The following THSD4 variants were observed in gnomAD, a reference collection of about 807,000 sequenced individuals.
THSD4 encodes the protein thrombospondin type 1 domain containing 4, also known as thrombospondin type-1 domain-containing protein 4.
In THSD4, 69 loss-of-function variants were observed where a neutral mutation model predicts 119.0. The observed-to-expected ratio is 0.58, with a 90% CI of 0.48 to 0.71. The LOEUF (loss-of-function observed/expected upper bound fraction) is 0.71. Among genes scored for constraint, THSD4 ranks in the 30% least tolerant of loss-of-function variants. The probability of loss-of-function intolerance (pLI) is 0.00; values close to 1 mark genes in which losing one functional copy is unlikely to be tolerated. For synonymous variants in THSD4, 524 were observed against 540.4 expected (o/e 0.97, Z 0.42); for missense variants, 1,393 against 1,391.1 (o/e 1.00, Z -0.02).
intron 6 of THSD4, among the ~76,000 whole-genome samples, chr15:71,394,214 G>T (rs546818319): frequency 6.6e-6 from 1 of 151,388 alleles, no homozygotes; most frequent in Admixed American, 6.6e-5. Flanking sequence ...GACACTTAAA[G>T]GTGGGCTTCC....
intron 7 of THSD4, among the ~76,000 whole-genome samples, chr15:71,640,428 G>A (rs1055076922): frequency 2.6e-5 from 4 of 152,178 alleles, no homozygotes; most frequent in Admixed American, 6.5e-5. Flanking sequence ...GCCAACTGTG[G>A]CAAATCTAGG....
chr15:71,435,660 T>C (rs1324604884), intron 7 of THSD4, among the ~76,000 whole-genome samples: 3 of 152,132 alleles, frequency 2.0e-5, no homozygotes, highest in Admixed American at 2.0e-4. Context: ...CTCCCAGAAA[T>C]AAGCTAAGAT....
chr15:71,237,972 G>C (rs373847780), intron 4 of THSD4, among the ~76,000 whole-genome samples: 3 of 152,228 alleles, frequency 2.0e-5, no homozygotes, highest in East Asian at 3.9e-4. Flanking sequence ...CCAGACGCCC[G>C]TTGGATGAAC....
At chr15:71,590,742 G>A (rs889882969) in intron 7 of THSD4, among the ~76,000 whole-genome samples, 11 of 152,094 alleles carry the variant, frequency 7.2e-5, no homozygotes, top group African/African-American at 2.2e-4. Context: ...GATGGCTCAC[G>A]CCTGTAATCC....
At position 71,561,075 on chromosome 15, in the gene THSD4, C is replaced by T. The variant is rs544486882; in HGVS notation, c.1153-99455C>T. Reference sequence around the variant, plus strand: ...CTGCAAGCTCCGCCTCCCGGGTTCACGCCATTCTCCTGCCTCAGCCTCCCG... The same window carrying T: ...CTGCAAGCTCCGCCTCCCGGGTTCATGCCATTCTCCTGCCTCAGCCTCCCG... On this transcript the variant is annotated intron_variant, in intron 7 of 17. Coordinates refer to ENST00000261862, the MANE Select transcript of THSD4 (RefSeq NM_024817.3). 3.0e-3 allele frequency among the ~76,000 whole-genome samples: 455 copies of T among 151,308 alleles called. 6 individuals carry two copies. Among genetic ancestry groups the T allele is most frequent in the South Asian group, 0.025 (117 of 4,774 alleles).
chr15:71,730,912 G>T, intron 9 of THSD4: 2 of 534,562 alleles, frequency 3.7e-6, no homozygotes, highest in South Asian at 2.3e-5. Flanking sequence ...TGATTTGCTC[G>T]GCCTAAGTTC....
chr15:71,097,728 A>ATT (rs398027839), intron 1 of THSD4, among the ~76,000 whole-genome samples: 74 of 140,618 alleles, frequency 5.3e-4, no homozygotes, highest in African/African-American at 1.8e-3. Context: ...ATATATATAT[A>ATT]TTTTTTTTTT....
At chr15:71,141,068 A>G (rs977986676) in intron 1 of THSD4, among the ~76,000 whole-genome samples, 5 of 152,234 alleles carry the variant, frequency 3.3e-5, no homozygotes, top group Admixed American at 6.5e-5. Context: ...ATTTTTACTC[A>G]ACTTGCACTG....
intron 7 of THSD4, among the ~76,000 whole-genome samples, chr15:71,638,813 A>G (rs78075143): frequency 1.3e-5 from 2 of 152,194 alleles, no homozygotes; most frequent in Non-Finnish European, 2.9e-5. Context: ...CTTGAGTGAC[A>G]ACTACTGTAA....
intron 6 of THSD4, among the ~76,000 whole-genome samples, chr15:71,300,671 T>C (rs532008606): frequency 1.1e-4 from 17 of 152,344 alleles, no homozygotes; most frequent in African/African-American, 4.1e-4. Context: ...ATAGTAAAAA[T>C]CTAGAATGTA....
chr15:71,633,549 A>G (rs1361682017), intron 7 of THSD4, among the ~76,000 whole-genome samples: 1 of 152,196 alleles, frequency 6.6e-6, no homozygotes, highest in African/African-American at 2.4e-5. Context: ...CGTTGGGACT[A>G]CAGGCATAAG....
chr15:71,659,437 T>A (rs1567086384), intron 7 of THSD4, among the ~76,000 whole-genome samples: 2 of 152,254 alleles, frequency 1.3e-5, no homozygotes, highest in Admixed American at 6.5e-5. Flanking sequence ...TTGGTTTTTT[T>A]AAAATAGGGC....
chr15:71,172,597 C>T (rs2043379996), intron 3 of THSD4, among the ~76,000 whole-genome samples: 1 of 144,062 alleles, frequency 6.9e-6, no homozygotes, highest in Admixed American at 7.1e-5. Flanking sequence ...ATATTATTAG[C>T]TCCAGTAATC....
At chr15:71,391,123 G>A (rs962981079) in intron 6 of THSD4, among the ~76,000 whole-genome samples, 1 of 151,592 alleles carries the variant, frequency 6.6e-6, no homozygotes, top group Non-Finnish European at 1.5e-5. Context: ...CCGCCTCCCG[G>A]GTTCACACCA....
At position 71,781,177 on chromosome 15, in the gene THSD4, G is replaced by T. The variant is rs999105551; in HGVS notation, c.*3803G>T. On this transcript the variant is annotated 3_prime_UTR_variant, in exon 18 of 18. Coordinates refer to ENST00000261862, the MANE Select transcript of THSD4 (RefSeq NM_024817.3). ...CTTCCTCACAAAATGTATGGGTGAC[G>T]TGAAGTTGAAGAGCCAATGGCTTGG... is the stretch of plus-strand genomic sequence containing the variant. The T allele has an allele frequency of 5.8e-6, 1 of 171,054 alleles. No individual in the cohort carries two copies. The highest frequency in any genetic ancestry group is 1.3e-5 in the Non-Finnish European group (1 of 78,594). The allele number at this position is 171,054 out of a possible 1,614,324, so 10.6% of individuals were successfully genotyped here.
intron 8 of THSD4, among the ~76,000 whole-genome samples, chr15:71,680,716 G>C (rs373574435): frequency 1.3e-5 from 2 of 152,140 alleles, no homozygotes; most frequent in South Asian, 2.1e-4. Context: ...TCTCAGCCAC[G>C]CAGCTTTCTG....
At chr15:71,474,144 C>A in intron 7 of THSD4, among the ~76,000 whole-genome samples, 1 of 152,174 alleles carries the variant, frequency 6.6e-6, no homozygotes, top group East Asian at 1.9e-4. Context: ...CCTCTTGTGC[C>A]TTTACAGGGA....
chr15:71,731,422 C>T lies in THSD4; in HGVS notation c.1630+205C>T, dbSNP rs141196523. The T allele has an allele frequency of 4.0e-3, 2,258 of 562,998 alleles. 40 individuals are homozygous for T. Among genetic ancestry groups the T allele is most frequent in the African/African-American group, 0.035 (1,851 of 53,062 alleles). 34.9% of individuals were successfully genotyped at this position (562,998 alleles called of 1,614,324 possible). On this transcript the variant is annotated intron_variant, in intron 10 of 17. Coordinates refer to ENST00000261862, the MANE Select transcript of THSD4 (RefSeq NM_024817.3). ...CACTGATGAGACTGTTTCATTCACT[C>T]GATTCCAAAATGGCATGAGCATCCT...
At chr15:71,429,291 T>C (rs577550195) in intron 7 of THSD4, among the ~76,000 whole-genome samples, 3 of 152,214 alleles carry the variant, frequency 2.0e-5, no homozygotes, top group African/African-American at 7.2e-5. Context: ...TAAACGATTG[T>C]TAGGGGGAAA....
Sources: gnomAD v4.1 joint callset for allele counts (sites outside exome capture counted in the v4.1 genomes callset) on GRCh38, gnomAD v4.1.1 for gene constraint, MANE v1.5 for transcripts, NCBI Gene and HGNC (gene_info 2026-07-23, HGNC 2026-07-21) for gene names.